ADAM18: variants seen among roughly 807,000 people sequenced by gnomAD.
The protein encoded by ADAM18 is ADAM metallopeptidase domain 18, also known as disintegrin and metalloproteinase domain-containing protein 18.
A neutral mutation model predicts 94.4 loss-of-function variants in ADAM18; 117 were observed. The ratio of observed to expected loss-of-function variants is 1.24; its 90% CI spans 1.07 to 1.45. The LOEUF is 1.45. Ranked by LOEUF, ADAM18 falls within the 40% of genes most tolerant of loss-of-function variation. The pLI is 0.00. For synonymous variants in ADAM18, 327 were observed against 291.6 expected, an observed-to-expected ratio of 1.12 and a Z score of -1.24; for missense variants, 936 against 880.0, an observed-to-expected ratio of 1.06 and a Z score of -0.81.
chr8:39,706,814 C>T lies in ADAM18; in HGVS notation c.1927C>T (p.Gln643Ter). 6.2e-7 allele frequency: 1 copy of T among 1,606,324 alleles called. No individual in the cohort carries two copies. The highest frequency in any genetic ancestry group is 8.5e-7 in the Non-Finnish European group (1 of 1,174,566). The change falls in exon 18 of 20, where the codon CAA becomes TAA. Residue 643 changes from glutamine (Q) to a stop codon, truncating the protein, a stop_gained. Coordinates refer to ENST00000265707, the MANE Select transcript of ADAM18 (RefSeq NM_014237.3). LOFTEE classifies it high-confidence loss of function. ...GATATGTAATAATTTTGGTAATTGTCAATGCTTCCCTGGACATAGACCTCC... is the reference window on the plus strand; with the variant it reads ...GATATGTAATAATTTTGGTAATTGTTAATGCTTCCCTGGACATAGACCTCC... The part of the protein sequence containing the change: ...KGICNNFGNC[Q>*]CFPGHRPPDC...
chr8:39,609,686 T>C, intron 5 of ADAM18, 125 bp downstream of exon 5: 2 of 615,100 alleles, frequency 3.3e-6, no homozygotes, highest in Non-Finnish European at 2.8e-6. Flanking sequence ...GTTTTCTTTC[T>C]AACAGCTTTA....
At chr8:39,596,956 A>C (rs950937174) in intron 2 of ADAM18, among the ~76,000 whole-genome samples, 4 of 152,292 alleles carry the variant, frequency 2.6e-5, no homozygotes, top group Non-Finnish European at 4.4e-5. Flanking sequence ...TTAGGTTCAG[A>C]GAAAAGATTA....
In ADAM18 at chr8:39,723,405, G is replaced by A. The variant is rs967751195; in HGVS notation, c.2018-343G>A. ...TAAGGAAAAAACTGATTTGGCAAGC[G>A]AGTGGGATGGTGGTTTCTCAAAGTA... On this transcript the variant is annotated intron_variant, in intron 18 of 19. Transcript: ENST00000265707. Among the ~76,000 whole-genome samples, 7 of 151,464 alleles carry A rather than the reference G, an allele frequency of 4.6e-5. No individual in the cohort carries two copies. In the South Asian group the frequency reaches 1.0e-3, roughly 22 times the overall value.
At chr8:39,612,178 C>T (rs1456492695) in intron 6 of ADAM18, among the ~76,000 whole-genome samples, 1 of 149,662 alleles carries the variant, frequency 6.7e-6, no homozygotes, top group Non-Finnish European at 1.5e-5. Flanking sequence ...CAACTGGACA[C>T]AGCCAGGAAG....
chr8:39,652,904 T>G (rs755565155), intron 12 of ADAM18, among the ~76,000 whole-genome samples: 3 of 152,074 alleles, frequency 2.0e-5, no homozygotes, highest in Non-Finnish European at 2.9e-5. Context: ...CTGGAGGACA[T>G]GTTGAGTGAA....
At chr8:39,722,989 C>A (rs532788906) in intron 18 of ADAM18, among the ~76,000 whole-genome samples, 1 of 38,818 alleles carries the variant, frequency 2.6e-5, no homozygotes, top group Non-Finnish European at 4.8e-5. Context: ...ATCATTGTAA[C>A]GTTTGGAGAG....
intron 18 of ADAM18, among the ~76,000 whole-genome samples, chr8:39,709,874 T>G (rs1244091181): frequency 4.6e-5 from 7 of 152,208 alleles, no homozygotes; most frequent in Non-Finnish European, 7.4e-5. Flanking sequence ...GTTTTATGTA[T>G]GCACAGTTAT....
chr8:39,640,006 CA>C (rs1820192165), intron 10 of ADAM18, among the ~76,000 whole-genome samples: 1 of 151,936 alleles, frequency 6.6e-6, no homozygotes, highest in African/African-American at 2.4e-5. Context: ...ATATGATAGA[CA>C]AAATTTTAAT....
intron 7 of ADAM18, among the ~76,000 whole-genome samples, chr8:39,633,237 A>G (rs960038984): frequency 2.0e-5 from 3 of 152,196 alleles, no homozygotes; most frequent in Non-Finnish European, 4.4e-5. Flanking sequence ...AGAAATTGGT[A>G]TCAGGAGTGG....
At chr8:39,614,586 C>T (rs1260270017) in intron 6 of ADAM18, among the ~76,000 whole-genome samples, 2 of 152,112 alleles carry the variant, frequency 1.3e-5, no homozygotes, top group African/African-American at 2.4e-5. Context: ...CAGCTAACAA[C>T]ACAATAACAG....
At chr8:39,719,868 C>T (rs980054618) in intron 18 of ADAM18, among the ~76,000 whole-genome samples, 1 of 151,294 alleles carries the variant, frequency 6.6e-6, no homozygotes, top group African/African-American at 2.4e-5. Flanking sequence ...GAGGTAAATA[C>T]AAATCACATA....
intron 19 of ADAM18, among the ~76,000 whole-genome samples, chr8:39,728,757 A>G (rs1354591484): frequency 6.6e-6 from 1 of 152,206 alleles, no homozygotes; most frequent in African/African-American, 2.4e-5. Context: ...GAATTGTAAA[A>G]AAGCCAACCT....
chr8:39,708,482 C>G (rs1477298929), intron 18 of ADAM18, among the ~76,000 whole-genome samples: 3 of 152,122 alleles, frequency 2.0e-5, no homozygotes, highest in Non-Finnish European at 2.9e-5. Context: ...TCTGGAAAAA[C>G]ATGGCAAAAT....
intron 7 of ADAM18, among the ~76,000 whole-genome samples, chr8:39,634,798 G>A (rs558795269): frequency 7.2e-5 from 11 of 152,216 alleles, no homozygotes; most frequent in African/African-American, 2.6e-4. Context: ...ATAATGTTTA[G>A]GTGAGATTTT....
intron 17 of ADAM18, among the ~76,000 whole-genome samples, 180 bp from the exon 18 acceptor site, chr8:39,706,610 A>T (rs1822248379): frequency 6.6e-6 from 1 of 152,164 alleles, no homozygotes; most frequent in South Asian, 2.1e-4. Context: ...CCATTTGGCC[A>T]TTATGTTGTC....
rs117261695 is a variant in ADAM18, at chr8:39,623,027, C to G, written c.523-6347C>G. On this transcript the variant is annotated intron_variant, in intron 6 of 19. Transcript: ENST00000265707. ...TGGCTTTTAATCCCTCACTCCCCCT[C>G]TCACCTTCCCCATTTCTGAATCTCC... Among the ~76,000 whole-genome samples, 1,347 of 152,258 alleles carry G rather than the reference C, an allele frequency of 8.8e-3. 9 individuals are homozygous for G. The highest frequency in any genetic ancestry group is 0.014 in the Non-Finnish European group (973 of 68,010).
Position 39,609,019 on chromosome 8 carries a change from TTTA to T in ADAM18, c.189-17_189-15del. 4 of 1,334,064 alleles carry T rather than the reference TTTA, an allele frequency of 3.0e-6. No individual in the cohort carries two copies. The highest frequency in any genetic ancestry group is 4.2e-6 in the Non-Finnish European group (4 of 952,112). The allele number at this position is 1,334,064 out of a possible 1,614,324, so 82.6% of individuals were successfully genotyped here. Reference sequence around the variant, plus strand: ...ATATTAAGATTATGATTCATACTTTTTTATTATTTCTTGGTTTTTTAGATCATT... The same window carrying T: ...ATATTAAGATTATGATTCATACTTTTTTATTTCTTGGTTTTTTAGATCATT... On this transcript the variant is annotated intron_variant, in intron 3 of 19. Coordinates refer to ENST00000265707, the MANE Select transcript of ADAM18 (RefSeq NM_014237.3).
At chr8:39,668,735 C>G (rs926010136) in intron 14 of ADAM18, among the ~76,000 whole-genome samples, 69 of 151,882 alleles carry the variant, frequency 4.5e-4, no homozygotes, top group African/African-American at 1.7e-3. Context: ...AGCAATTATT[C>G]ATAATATCCA....
intron 9 of ADAM18, 94 bp downstream of exon 9, chr8:39,637,797 G>A: frequency 2.4e-6 from 3 of 1,237,088 alleles, no homozygotes; most frequent in Non-Finnish European, 2.1e-6. Flanking sequence ...TTTTTTGTAA[G>A]CCCCTTTGGA....
Sources: gnomAD v4.1 joint callset for allele counts (sites outside exome capture counted in the v4.1 genomes callset) on GRCh38, gnomAD v4.1.1 for gene constraint, MANE v1.5 for transcripts, NCBI Gene and HGNC (gene_info 2026-07-23, HGNC 2026-07-21) for gene names.